Variants in NIPAL2 observed in about 807,000 individuals in gnomAD.
NIPAL2 encodes the protein NIPA-like protein 2.
In NIPAL2, 43 loss-of-function variants were observed where a neutral mutation model predicts 48.9. That is an observed-to-expected ratio of 0.88 (90% CI 0.69 to 1.13). The LOEUF is 1.13. Among genes scored for constraint, NIPAL2 ranks in the 50% most tolerant of loss-of-function variants. The pLI is 0.00. For synonymous variants in NIPAL2, 167 were observed against 174.6 expected, an observed-to-expected ratio of 0.96 and a Z score of 0.34; for missense variants, 446 against 461.4, an observed-to-expected ratio of 0.97 and a Z score of 0.31.
chr8:98,270,431 A>G (rs1248003336), intron 1 of NIPAL2, among the ~76,000 whole-genome samples: 2 of 152,040 alleles, frequency 1.3e-5, no homozygotes, highest in Non-Finnish European at 2.9e-5. Context: ...TTCCCTGATG[A>G]TTAGTGATGT....
At position 98,221,856 on chromosome 8, in the gene NIPAL2, C is replaced by T. The variant is rs1054787643; in HGVS notation, c.558+623G>A. ...TGGTGGGACTGTAAATTAGTTCAACCGTTGTGGAAGACAGTGTGGCGATTC... is the reference window on the plus strand; with the variant it reads ...TGGTGGGACTGTAAATTAGTTCAACTGTTGTGGAAGACAGTGTGGCGATTC... On this transcript the variant is annotated intron_variant, in intron 5 of 10. Transcript: ENST00000430223. Among the ~76,000 whole-genome samples the T allele has an allele frequency of 5.9e-5, 9 of 152,294 alleles. No homozygotes were observed. In the South Asian group the frequency reaches 8.3e-4, roughly 14 times the overall value.
chr8:98,272,830 C>A (rs1049819487), intron 1 of NIPAL2, among the ~76,000 whole-genome samples: 1 of 151,972 alleles, frequency 6.6e-6, no homozygotes, highest in African/African-American at 2.4e-5. Flanking sequence ...AATCAAAAAA[C>A]CACTTGAAAT....
chr8:98,236,100 T>G (rs2130790085), intron 4 of NIPAL2, 55 bp downstream of exon 4: 2 of 1,232,828 alleles, frequency 1.6e-6, no homozygotes, highest in East Asian at 4.8e-5. Context: ...TGGATTGTAT[T>G]ATTTATTTCC....
intron 1 of NIPAL2, among the ~76,000 whole-genome samples, chr8:98,290,763 G>A (rs1816448990): frequency 6.6e-6 from 1 of 152,110 alleles, no homozygotes; most frequent in African/African-American, 2.4e-5. Context: ...AATGCATATG[G>A]GGGTCAGTAG....
Position 98,191,012 on chromosome 8 carries a change from T to C in NIPAL2, c.*1966A>G, listed in dbSNP as rs886077471. On this transcript the variant is annotated 3_prime_UTR_variant, in exon 11 of 11. Coordinates refer to ENST00000430223, the MANE Select transcript of NIPAL2 (RefSeq NM_001321635.2). The stretch of plus-strand genomic sequence containing the variant: ...AAACTAGGTCTGAATATATTTTATA[T>C]GTTACCTGGACTTCTAAAACATTGT... The C allele has an allele frequency of 1.3e-5, 2 of 152,248 alleles. No individual in the cohort carries two copies. The highest frequency in any genetic ancestry group is 4.8e-5 in the African/African-American group (2 of 41,468). The allele number at this position is 152,248 out of a possible 1,614,324, so 9.4% of individuals were successfully genotyped here. A position where few individuals can be genotyped will look rare whatever the true frequency, so the allele number is the denominator to read the frequency against.
At chr8:98,226,922 C>T (rs1416233128) in intron 4 of NIPAL2, among the ~76,000 whole-genome samples, 1 of 152,178 alleles carries the variant, frequency 6.6e-6, no homozygotes, top group Non-Finnish European at 1.5e-5. Context: ...AGTCAGAAAC[C>T]TTAGAAATTT....
chr8:98,206,791 AAG>A (rs1199668428), intron 6 of NIPAL2, among the ~76,000 whole-genome samples: 1 of 151,532 alleles, frequency 6.6e-6, no homozygotes, highest in Admixed American at 6.6e-5. Flanking sequence ...AAAAAAAAAA[AAG>A]GAAAAAAAAA....
At chr8:98,237,303 C>T (rs1036390083) in intron 3 of NIPAL2, among the ~76,000 whole-genome samples, 1 of 152,010 alleles carries the variant, frequency 6.6e-6, no homozygotes, top group Non-Finnish European at 1.5e-5. Context: ...CCTCCTGCCT[C>T]GACCTCCCAA....
In NIPAL2 at chr8:98,192,878, C is replaced by T. The variant is rs1810360433; in HGVS notation, c.*100G>A. 12 of 738,210 alleles carry T rather than the reference C, an allele frequency of 1.6e-5. No individual in the cohort carries two copies. In the East Asian group the frequency reaches 3.1e-4, roughly 19 times the overall value. 45.7% of individuals were successfully genotyped at this position (738,210 alleles called of 1,614,324 possible). ...GAAAGGACTGAAATGAATGCTAGCA[C>T]ATGTTAGCTTATAAAAGAGCTGCTG... On this transcript the variant is annotated 3_prime_UTR_variant, in exon 11 of 11. Coordinates refer to ENST00000430223, the MANE Select transcript of NIPAL2 (RefSeq NM_001321635.2).
chr8:98,204,800 TG>T (rs1373094208), intron 7 of NIPAL2, among the ~76,000 whole-genome samples: 1 of 151,958 alleles, frequency 6.6e-6, no homozygotes, highest in African/African-American at 2.4e-5. Flanking sequence ...TTTGATTTAT[TG>T]CTAATGACAA....
intron 1 of NIPAL2, among the ~76,000 whole-genome samples, chr8:98,270,507 G>A (rs958864169): frequency 6.6e-6 from 1 of 151,972 alleles, no homozygotes; most frequent in East Asian, 1.9e-4. Flanking sequence ...TATATTCTTT[G>A]CTCACTTTTC....
rs946175228 is a variant in NIPAL2, at chr8:98,293,930, C to A, written c.135+73G>T. ...AGAGCTGGCAGGAAAGCGGCCGAGG[C>A]GCAGAGGCGCCCGGAGCCAGCCGCC... On this transcript the variant is annotated intron_variant, in intron 1 of 10. Transcript: ENST00000430223. 13 of 1,304,928 alleles carry A rather than the reference C, an allele frequency of 1.0e-5. No homozygotes were observed. The Middle Eastern group carries it at 1.4e-3, about 141-fold the overall frequency. The allele number at this position is 1,304,928 out of a possible 1,614,324, so 80.8% of individuals were successfully genotyped here. A position where few individuals can be genotyped will look rare whatever the true frequency, so the allele number is the denominator to read the frequency against.
intron 1 of NIPAL2, among the ~76,000 whole-genome samples, chr8:98,266,951 G>A (rs1563540771): frequency 6.6e-6 from 1 of 151,414 alleles, no homozygotes; most frequent in Non-Finnish European, 1.5e-5. Flanking sequence ...AAATGACAAA[G>A]CAATCATATA....
intron 4 of NIPAL2, among the ~76,000 whole-genome samples, chr8:98,234,244 T>C (rs1249747505): frequency 6.6e-6 from 1 of 152,136 alleles, no homozygotes; most frequent in Non-Finnish European, 1.5e-5. Context: ...CACATATTCT[T>C]TTCTACTTAA....
Position 98,220,964 on chromosome 8 carries a change from C to CTTTTT in NIPAL2, c.558+1510_558+1514dup, listed in dbSNP as rs557824737. 6.4e-3 allele frequency among the ~76,000 whole-genome samples: 441 copies of CTTTTT among 68,684 alleles called. 10 individuals carry two copies. The highest frequency in any genetic ancestry group is 0.013 in the East Asian group (26 of 1,936). The allele number at this position is 68,684 out of a possible 152,430, so 45.1% of individuals were successfully genotyped here. A position where few individuals can be genotyped will look rare whatever the true frequency, so the allele number is the denominator to read the frequency against. ...TATTTCTCTATCAGTTCATTTCATT[C>CTTTTT]TTTTTTTTTTTTTTTTTTTTTTTTT... On this transcript the variant is annotated intron_variant, in intron 5 of 10. Transcript: ENST00000430223.
At position 98,268,996 on chromosome 8, in the gene NIPAL2, C is replaced by T. The variant is rs527255179; in HGVS notation, c.136-14909G>A. ...AAGAAGATTCCATCTTAAGAAACCC[C>T]TTTCTTTGCTCATCGATAAAAAGCA... On this transcript the variant is annotated intron_variant, in intron 1 of 10. Transcript: ENST00000430223. 7.9e-5 allele frequency among the ~76,000 whole-genome samples: 12 copies of T among 152,302 alleles called. No individual in the cohort carries two copies. In the East Asian group the frequency reaches 2.3e-3, roughly 29 times the overall value.
chr8:98,192,185 A>C lies in NIPAL2; in HGVS notation c.*793T>G, dbSNP rs535912079. 6.6e-6 allele frequency: 1 copy of C among 152,352 alleles called. No homozygotes were observed. The highest frequency in any genetic ancestry group is 1.9e-4 in the East Asian group (1 of 5,190). The allele number at this position is 152,352 out of a possible 1,614,324, so 9.4% of individuals were successfully genotyped here. ...CCATTCTAGATTTTTATTAAAAAAT[A>C]AACAAACATTAGTCCTACTTTTTGT... On this transcript the variant is annotated 3_prime_UTR_variant, in exon 11 of 11. Coordinates refer to ENST00000430223, the MANE Select transcript of NIPAL2 (RefSeq NM_001321635.2).
chr8:98,263,058 T>A (rs1454627978), intron 1 of NIPAL2, among the ~76,000 whole-genome samples: 1 of 149,814 alleles, frequency 6.7e-6, no homozygotes, highest in Non-Finnish European at 1.5e-5. Flanking sequence ...CAGGCAGAAA[T>A]AAAGATGTTC....
chr8:98,210,509 T>C (rs962338904), intron 6 of NIPAL2, among the ~76,000 whole-genome samples: 8 of 152,216 alleles, frequency 5.3e-5, no homozygotes, highest in Non-Finnish European at 1.0e-4. Context: ...GATTTCTTTA[T>C]GGCCAATTAT....
Sources: allele counts gnomAD v4.1 joint callset (sites outside exome capture counted in the v4.1 genomes callset), GRCh38; gene constraint gnomAD v4.1.1; transcripts MANE v1.5; gene names NCBI Gene and HGNC (gene_info 2026-07-23, HGNC 2026-07-21).